CAP2: variants seen among roughly 807,000 people sequenced by gnomAD.
CAP2 encodes adenylyl cyclase-associated protein 2.
CAP2 carries 24 observed loss-of-function variants against 57.7 expected under a neutral mutation model. That is an observed-to-expected ratio of 0.42 (90% confidence interval 0.30 to 0.58). The LOEUF (loss-of-function observed/expected upper bound fraction) is 0.58. CAP2 is among the 20% of genes least tolerant of loss of function. The pLI is 0.22. For synonymous variants in CAP2, 194 were observed against 207.2 expected (o/e 0.94, Z 0.55); for missense variants, 501 against 590.3 (o/e 0.85, Z 1.57).
At chr6:17,473,864 G>A (rs917354320) in intron 4 of CAP2, among the ~76,000 whole-genome samples, 1 of 152,192 alleles carries the variant, frequency 6.6e-6, no homozygotes. Flanking sequence ...TCACTGTGCA[G>A]TACTTTTAAT....
intron 4 of CAP2, among the ~76,000 whole-genome samples, chr6:17,505,623 C>T (rs956518636): frequency 4.6e-5 from 7 of 152,128 alleles, no homozygotes; most frequent in Non-Finnish European, 1.0e-4. Context: ...TCTATTTTAC[C>T]TCCTGCAAAC....
chr6:17,467,003 G>A lies in CAP2; in HGVS notation c.300+3930G>A, dbSNP rs1760883092. On this transcript the variant is annotated intron_variant, in intron 4 of 12. Transcript: ENST00000229922. ...CAGGGCTCTGAGAGAAAAGAGTATA[G>A]AATTAATCTTTAATAGGAGTTTTGG... 2.0e-5 allele frequency among the ~76,000 whole-genome samples: 3 copies of A among 152,210 alleles called. 1 individual carries two copies. In the South Asian group the frequency reaches 6.2e-4, roughly 32 times the overall value.
intron 11 of CAP2, among the ~76,000 whole-genome samples, chr6:17,546,691 A>C (rs1333457970): frequency 6.6e-6 from 1 of 152,204 alleles, no homozygotes; most frequent in Non-Finnish European, 1.5e-5. Flanking sequence ...CAAAATAATA[A>C]GAGCTGTTTA....
chr6:17,486,190 C>A (rs141630929), intron 4 of CAP2, among the ~76,000 whole-genome samples: 1 of 152,040 alleles, frequency 6.6e-6, no homozygotes, highest in African/African-American at 2.4e-5. Context: ...CAAAAAAATA[C>A]GTTAAACAAA....
intron 7 of CAP2, among the ~76,000 whole-genome samples, chr6:17,534,708 T>G (rs1762731864): frequency 6.6e-6 from 1 of 152,170 alleles, no homozygotes; most frequent in African/African-American, 2.4e-5. Flanking sequence ...GATCACTCGA[T>G]GGGCACCCAA....
At chr6:17,395,039 C>T (rs1758633902) in intron 1 of CAP2, among the ~76,000 whole-genome samples, 1 of 152,130 alleles carries the variant, frequency 6.6e-6, no homozygotes, top group South Asian at 2.1e-4. Flanking sequence ...AATAACATTA[C>T]AATCAAAGTG....
intron 3 of CAP2, among the ~76,000 whole-genome samples, chr6:17,432,237 T>C (rs1260791682): frequency 6.6e-6 from 1 of 152,218 alleles, no homozygotes; most frequent in Admixed American, 6.5e-5. Context: ...TTGAAAATAT[T>C]TATGGATCAC....
At chr6:17,514,923 G>A (rs1452314668) in intron 7 of CAP2, among the ~76,000 whole-genome samples, 1 of 151,798 alleles carries the variant, frequency 6.6e-6, no homozygotes, top group Non-Finnish European at 1.5e-5. Flanking sequence ...GCGTGATAGA[G>A]GCTGGGCACG....
At chr6:17,447,504 A>G (rs77034820) in intron 3 of CAP2, among the ~76,000 whole-genome samples, 3,043 of 152,188 alleles carry the variant, frequency 0.02, 82 homozygotes, top group African/African-American at 0.065. Context: ...CATTAGGAGA[A>G]CTTTGTTTTT....
At chr6:17,469,738 T>G (rs893881412) in intron 4 of CAP2, among the ~76,000 whole-genome samples, 1 of 152,180 alleles carries the variant, frequency 6.6e-6, no homozygotes, top group African/African-American at 2.4e-5. Context: ...TTTCATTGTT[T>G]ATACAATCTG....
chr6:17,555,554 ATTATT>A (rs1236228367), intron 12 of CAP2, among the ~76,000 whole-genome samples: 1 of 149,988 alleles, frequency 6.7e-6, no homozygotes, highest in East Asian at 2.0e-4. Context: ...TATTATTATT[ATTATT>A]TTATTTTATT....
At chr6:17,539,513 C>A in intron 8 of CAP2, 55 bp downstream of exon 8, 7 of 1,385,172 alleles carry the variant, frequency 5.1e-6, no homozygotes, top group Non-Finnish European at 6.0e-6. Context: ...GGCTCCCAGA[C>A]ACAAAAGAGC....
At chr6:17,465,218 G>C (rs550592844) in intron 4 of CAP2, among the ~76,000 whole-genome samples, 1 of 151,992 alleles carries the variant, frequency 6.6e-6, no homozygotes, top group Admixed American at 6.5e-5. Flanking sequence ...ATGGGTTCTT[G>C]CTCTTGCTCT....
intron 4 of CAP2, among the ~76,000 whole-genome samples, chr6:17,469,968 G>C (rs952732272): frequency 4.6e-5 from 7 of 152,198 alleles, no homozygotes; most frequent in African/African-American, 1.7e-4. Flanking sequence ...TTATTTAGAT[G>C]CATGAGAGAT....
chr6:17,483,406 C>T (rs997433811), intron 4 of CAP2, among the ~76,000 whole-genome samples: 11 of 152,044 alleles, frequency 7.2e-5, no homozygotes, highest in African/African-American at 2.2e-4. Flanking sequence ...CTTCCTGAGA[C>T]TTCACGTGCA....
At position 17,435,538 on chromosome 6, in the gene CAP2, G is replaced by A. The variant is rs1473566792; in HGVS notation, c.222+8848G>A. On this transcript the variant is annotated intron_variant, in intron 3 of 12. Transcript: ENST00000229922. ...ACACTCTGGGGACTGTGGTGGGGTC[G>A]GGGGAGGGGGGAGGGATAGCATTGG... Among the ~76,000 whole-genome samples the A allele has an allele frequency of 5.5e-4, 49 of 89,900 alleles. 1 individual carries two copies. Among genetic ancestry groups the A allele is most frequent in the South Asian group, 4.2e-3 (8 of 1,918 alleles). 59.0% of individuals were successfully genotyped at this position (89,900 alleles called of 152,430 possible).
intron 11 of CAP2, among the ~76,000 whole-genome samples, chr6:17,545,577 T>G (rs1763022156): frequency 6.6e-6 from 1 of 152,204 alleles, no homozygotes; most frequent in Non-Finnish European, 1.5e-5. Context: ...CTTTAAGTTC[T>G]AGGGTACATG....
chr6:17,455,932 A>G (rs1295539245), intron 3 of CAP2, among the ~76,000 whole-genome samples: 1 of 152,156 alleles, frequency 6.6e-6, no homozygotes, highest in Non-Finnish European at 1.5e-5. Context: ...TGAGGAAGCA[A>G]GAACTGTGTG....
rs1358325993 is a variant in CAP2 at position 17,551,616 on chromosome 6, T to A, written c.1350+12T>A. 4 of 1,560,566 alleles carry A rather than the reference T, an allele frequency of 2.6e-6. No individual in the cohort carries two copies. Among genetic ancestry groups the A allele is most frequent in the Non-Finnish European group, 2.6e-6 (3 of 1,152,614 alleles). On this transcript the variant is annotated intron_variant, in intron 12 of 12. Transcript: ENST00000229922. Reference sequence around the variant, plus strand: ...AGGATGGTGATTATGTAAGTACCTTTCAAAAGGCTGTCAAGAATTTTTCTG... The same window carrying A: ...AGGATGGTGATTATGTAAGTACCTTACAAAAGGCTGTCAAGAATTTTTCTG...
Sources: allele counts gnomAD v4.1 joint callset (sites outside exome capture counted in the v4.1 genomes callset), GRCh38; gene constraint gnomAD v4.1.1; transcripts MANE v1.5; gene names NCBI Gene and HGNC (gene_info 2026-07-23, HGNC 2026-07-21).